The following TAF4 variants were observed in gnomAD, a reference collection of about 807,000 sequenced individuals.
TAF4 encodes the protein TATA-box binding protein associated factor 4, also known as transcription initiation factor TFIID subunit 4.
A neutral mutation model predicts 90.3 loss-of-function variants in TAF4; 9 were observed. The ratio of observed to expected loss-of-function variants is 0.10; its 90% CI spans 0.06 to 0.17. TAF4 has a LOEUF of 0.17. Among genes scored for constraint, TAF4 ranks in the 10% least tolerant of loss-of-function variants. The probability of loss-of-function intolerance (pLI) is 1.00; values close to 1 mark genes in which losing one functional copy is unlikely to be tolerated. For missense variants in TAF4, 1,351 were observed against 1,370.7 expected (o/e 0.99, Z 0.23); for synonymous variants, 818 against 638.9 (o/e 1.28, Z -4.23).
rs530651659 is a variant in TAF4, at chr20:62,033,395, C to T, written c.1361-18688G>A. ...TCCAACATCCATTGAGACAAACTAA[C>T]AAATATCCCCTGCCCCAAGAAAAGC... On this transcript the variant is annotated intron_variant, in intron 1 of 14. Coordinates refer to ENST00000252996, the MANE Select transcript of TAF4 (RefSeq NM_003185.4). Among the ~76,000 whole-genome samples, 123 of 152,148 alleles carry T rather than the reference C, an allele frequency of 8.1e-4. 1 individual carries two copies. Among genetic ancestry groups the T allele is most frequent in the Non-Finnish European group, 1.5e-3 (103 of 68,018 alleles).
At chr20:62,041,840 A>G (rs2055965438) in intron 1 of TAF4, among the ~76,000 whole-genome samples, 1 of 151,294 alleles carries the variant, frequency 6.6e-6, no homozygotes, top group Admixed American at 6.6e-5. Flanking sequence ...AGGCCAAGGC[A>G]GGAGGATCAC....
chr20:62,029,908 AAAAAC>A (rs1346699161), intron 1 of TAF4, among the ~76,000 whole-genome samples: 1 of 152,174 alleles, frequency 6.6e-6, no homozygotes, highest in African/African-American at 2.4e-5. Flanking sequence ...CCGTCTCAAA[AAAAAC>A]AAAAAAAAGA....
intron 1 of TAF4, among the ~76,000 whole-genome samples, chr20:62,050,727 C>A (rs2056022295): frequency 6.6e-6 from 1 of 152,304 alleles, no homozygotes; most frequent in African/African-American, 2.4e-5. Context: ...TAGGCATCAC[C>A]CAGAGCCACC....
At chr20:62,020,243 A>G (rs2055835083) in intron 1 of TAF4, among the ~76,000 whole-genome samples, 1 of 152,180 alleles carries the variant, frequency 6.6e-6, no homozygotes, top group Admixed American at 6.5e-5. Context: ...CCCAACGCAC[A>G]GGACAGGCTG....
intron 9 of TAF4, among the ~76,000 whole-genome samples, chr20:62,001,379 C>T (rs1307530888): frequency 2.0e-5 from 3 of 152,250 alleles, no homozygotes; most frequent in Admixed American, 2.0e-4. Context: ...CCTCTCCTGA[C>T]TCCTGGGCTG....
intron 14 of TAF4, among the ~76,000 whole-genome samples, chr20:61,994,106 GA>G (rs11287984): frequency 0.52 from 76,189 of 147,416 alleles, 19,766 homozygotes; most frequent in Middle Eastern, 0.68. Flanking sequence ...AGAAATCCAG[GA>G]AAAAAAAAAA....
chr20:61,975,233 C>T lies in TAF4; in HGVS notation c.*935G>A, dbSNP rs538783956. 5.9e-5 allele frequency: 9 copies of T among 152,498 alleles called. No individual in the cohort carries two copies. In the South Asian group the frequency reaches 1.9e-3, roughly 32 times the overall value. The allele number at this position is 152,498 out of a possible 1,614,324, so 9.4% of individuals were successfully genotyped here. A position where few individuals can be genotyped will look rare whatever the true frequency, so the allele number is the denominator to read the frequency against. ...TCGGCCCAAGGCTTGCATACAGTCT[C>T]TTAGCAAAATAATTATAGTTTACAT... On this transcript the variant is annotated 3_prime_UTR_variant, in exon 15 of 15. Coordinates refer to ENST00000252996, the MANE Select transcript of TAF4 (RefSeq NM_003185.4).
At chr20:62,029,271 T>A (rs191724176) in intron 1 of TAF4, among the ~76,000 whole-genome samples, 240 of 152,236 alleles carry the variant, frequency 1.6e-3, no homozygotes, top group African/African-American at 5.2e-3. Context: ...CTCATTCTTT[T>A]AAGTTTGAAA....
chr20:62,001,231 G>A (rs145418166), intron 9 of TAF4, among the ~76,000 whole-genome samples: 99 of 152,246 alleles, frequency 6.5e-4, no homozygotes, highest in Middle Eastern at 3.4e-3. Flanking sequence ...CATTGAGACC[G>A]GGCCATGATG....
intron 1 of TAF4, among the ~76,000 whole-genome samples, chr20:62,032,009 G>C (rs1600852759): frequency 6.6e-6 from 1 of 152,088 alleles, no homozygotes; most frequent in Non-Finnish European, 1.5e-5. Flanking sequence ...GAGCTCCCCC[G>C]CAGCACTGTC....
chr20:62,054,550 C>A (rs2056049779), intron 1 of TAF4, among the ~76,000 whole-genome samples: 2 of 152,212 alleles, frequency 1.3e-5, no homozygotes, highest in Admixed American at 6.5e-5. Flanking sequence ...ACGCCATGTC[C>A]TTCCACCCCA....
intron 1 of TAF4, among the ~76,000 whole-genome samples, chr20:62,052,259 C>T (rs1355164400): frequency 7.1e-6 from 1 of 141,424 alleles, no homozygotes; most frequent in Non-Finnish European, 1.5e-5. Flanking sequence ...TCCAGCCTAA[C>T]TCCCACCGAC....
At chr20:61,998,087 ACAG>A in intron 13 of TAF4, 46 bp downstream of exon 13, 8 of 1,588,516 alleles carry the variant, frequency 5.0e-6, no homozygotes, top group Non-Finnish European at 6.9e-6. Context: ...GTGGGGCGCT[ACAG>A]TGCACAGCAA....
chr20:62,034,400 T>C (rs970272651), intron 1 of TAF4, among the ~76,000 whole-genome samples: 2 of 152,240 alleles, frequency 1.3e-5, no homozygotes, highest in Non-Finnish European at 2.9e-5. Flanking sequence ...CATAGCTCAC[T>C]GTAGCCTCAA....
chr20:62,054,024 C>T (rs544289247), intron 1 of TAF4, among the ~76,000 whole-genome samples: 194 of 152,362 alleles, frequency 1.3e-3, no homozygotes, highest in African/African-American at 4.3e-3. Flanking sequence ...CCACAGGACC[C>T]AGTAGGATCG....
intron 1 of TAF4, among the ~76,000 whole-genome samples, chr20:62,040,678 A>G (rs1170113690): frequency 1.3e-5 from 2 of 152,224 alleles, no homozygotes; most frequent in Admixed American, 1.3e-4. Context: ...AAAACAGAAA[A>G]GCCTGGCCAC....
At chr20:62,002,081 T>G (rs910578495) in intron 9 of TAF4, among the ~76,000 whole-genome samples, 30 of 152,184 alleles carry the variant, frequency 2.0e-4, no homozygotes. Flanking sequence ...CACTCTCCTT[T>G]ATCCCTTCTG....
At chr20:62,035,189 C>T (rs6061972) in intron 1 of TAF4, among the ~76,000 whole-genome samples, 86,080 of 152,064 alleles carry the variant, frequency 0.57, 24,927 homozygotes, top group Middle Eastern at 0.67. Flanking sequence ...CCTACAAGGA[C>T]TTTTATGGGC....
chr20:61,992,702 A>G (rs991054508), intron 14 of TAF4, among the ~76,000 whole-genome samples: 1 of 152,144 alleles, frequency 6.6e-6, no homozygotes, highest in Admixed American at 6.5e-5. Flanking sequence ...TTCAAACGCC[A>G]TTTCCCACTA....
Sources: gnomAD v4.1 joint callset for allele counts (sites outside exome capture counted in the v4.1 genomes callset) on GRCh38, gnomAD v4.1.1 for gene constraint, MANE v1.5 for transcripts, NCBI Gene and HGNC (gene_info 2026-07-23, HGNC 2026-07-21) for gene names.